METTL24: variants seen among roughly 807,000 people sequenced by gnomAD.
METTL24 encodes the protein probable methyltransferase-like protein 24.
In METTL24, 29 loss-of-function variants were observed where a neutral mutation model predicts 32.7. The observed-to-expected ratio is 0.89, with a 90% CI of 0.66 to 1.21. The LOEUF is 1.21. Ranked by LOEUF, METTL24 falls within the 50% of genes most tolerant of loss-of-function variation. METTL24 has a pLI of 0.00. For missense variants in METTL24, 439 were observed against 468.1 expected, an observed-to-expected ratio of 0.94 and a Z score of 0.57; for synonymous variants, 163 against 179.5, an observed-to-expected ratio of 0.91 and a Z score of 0.73.
intron 3 of METTL24, among the ~76,000 whole-genome samples, chr6:110,305,133 T>C (rs1411820864): frequency 1.3e-5 from 2 of 152,206 alleles, no homozygotes; most frequent in Non-Finnish European, 2.9e-5. Context: ...CTACCAGGCC[T>C]GCCCTACAAG....
chr6:110,331,752 A>G (rs1027067399), intron 1 of METTL24, among the ~76,000 whole-genome samples: 39 of 152,284 alleles, frequency 2.6e-4, no homozygotes, highest in African/African-American at 8.9e-4. Flanking sequence ...GAAGCTTTGC[A>G]AACCCCTCAG....
intron 4 of METTL24, among the ~76,000 whole-genome samples, chr6:110,260,678 T>A (rs983287405): frequency 1.3e-5 from 2 of 151,854 alleles, no homozygotes; most frequent in African/African-American, 2.4e-5. Flanking sequence ...TTCACCAAAG[T>A]TGAAATGAAG....
At chr6:110,272,126 C>T (rs910274858) in intron 4 of METTL24, among the ~76,000 whole-genome samples, 2 of 152,136 alleles carry the variant, frequency 1.3e-5, no homozygotes, top group Non-Finnish European at 2.9e-5. Context: ...TCCTCCCACC[C>T]ATTCCCCCGT....
chr6:110,282,680 G>A (rs1314492612), intron 4 of METTL24, among the ~76,000 whole-genome samples: 1 of 151,054 alleles, frequency 6.6e-6, no homozygotes, highest in Non-Finnish European at 1.5e-5. Flanking sequence ...TTGCTCTCCT[G>A]TGCCAATACC....
At chr6:110,298,475 G>A (rs1381994255) in intron 4 of METTL24, among the ~76,000 whole-genome samples, 5 of 151,980 alleles carry the variant, frequency 3.3e-5, no homozygotes, top group African/African-American at 4.8e-5. Context: ...GAGCCTAGAC[G>A]TTCAAAATAG....
chr6:110,358,323 T>A lies in METTL24; in HGVS notation c.-51A>T. 1 of 1,332,194 alleles carries A rather than the reference T, an allele frequency of 7.5e-7. No homozygotes were observed. The highest frequency in any genetic ancestry group is 3.2e-5 in the East Asian group (1 of 31,254). The allele number at this position is 1,332,194 out of a possible 1,614,324, so 82.5% of individuals were successfully genotyped here. A position where few individuals can be genotyped will look rare whatever the true frequency, so the allele number is the denominator to read the frequency against. On this transcript the variant is annotated 5_prime_UTR_variant, in exon 1 of 5. Coordinates refer to ENST00000338882, the MANE Select transcript of METTL24 (RefSeq NM_001123364.3). The stretch of plus-strand genomic sequence containing the variant: ...CCGCGCCTGGCCGGCAGCAGGGATG[T>A]AGCCCCACAGGCCGGAGCGGCCAAC...
chr6:110,272,303 A>T (rs1201400960), intron 4 of METTL24, among the ~76,000 whole-genome samples: 1 of 152,170 alleles, frequency 6.6e-6, no homozygotes, highest in African/African-American at 2.4e-5. Flanking sequence ...CTATTATTTC[A>T]TTCCGTTTTA....
At chr6:110,353,389 C>T (rs1772646770) in intron 1 of METTL24, among the ~76,000 whole-genome samples, 1 of 149,530 alleles carries the variant, frequency 6.7e-6, no homozygotes. Flanking sequence ...AGAATAAGGA[C>T]TCTTAAGGCA....
intron 4 of METTL24, among the ~76,000 whole-genome samples, chr6:110,270,705 T>C (rs1297849498): frequency 6.6e-6 from 1 of 152,214 alleles, no homozygotes; most frequent in Non-Finnish European, 1.5e-5. Context: ...AAGTTTAAGT[T>C]ACTCTAGGTT....
At chr6:110,267,047 TA>T (rs77608489) in intron 4 of METTL24, among the ~76,000 whole-genome samples, 14 of 151,100 alleles carry the variant, frequency 9.3e-5, no homozygotes, top group South Asian at 2.1e-4. Context: ...GCTTTTTTTT[TA>T]AAAAAAAATA....
intron 1 of METTL24, among the ~76,000 whole-genome samples, chr6:110,348,424 T>C (rs937812202): frequency 7.2e-5 from 11 of 152,240 alleles, no homozygotes; most frequent in Non-Finnish European, 1.6e-4. Flanking sequence ...CACGTATTAC[T>C]TTCACTGACT....
intron 4 of METTL24, among the ~76,000 whole-genome samples, chr6:110,271,820 C>T (rs376958510): frequency 1.3e-5 from 2 of 152,178 alleles, no homozygotes; most frequent in South Asian, 2.1e-4. Context: ...AATAATAAAT[C>T]GCTGATAGTG....
Position 110,340,157 on chromosome 6 carries a change from TA to T in METTL24, c.319-17286del, listed in dbSNP as rs145107279. Among the ~76,000 whole-genome samples, 583 of 149,916 alleles carry T rather than the reference TA, an allele frequency of 3.9e-3. 3 individuals are homozygous for T. Among genetic ancestry groups the T allele is most frequent in the African/African-American group, 0.013 (547 of 40,568 alleles). ...CACAGCTCTTCTTCAAGGTCTAACT[TA>T]AGGAGTCCAGGGCGCTCACACATCT... On this transcript the variant is annotated intron_variant, in intron 1 of 4. Coordinates refer to ENST00000338882, the MANE Select transcript of METTL24 (RefSeq NM_001123364.3).
chr6:110,248,166 C>T (rs1272695965), intron 4 of METTL24, among the ~76,000 whole-genome samples: 1 of 152,170 alleles, frequency 6.6e-6, no homozygotes, highest in East Asian at 1.9e-4. Flanking sequence ...TCACCAGGAG[C>T]AGATACCGGC....
rs933308784 is a variant in METTL24, at chr6:110,297,587, A to C, written c.786+1335T>G. ...GAATAATCTAAAGTTGACATATTAG[A>C]GAATTAGGCCTGTAATTCTCAGCTG... On this transcript the variant is annotated intron_variant, in intron 4 of 4. Coordinates refer to ENST00000338882, the MANE Select transcript of METTL24 (RefSeq NM_001123364.3). Among the ~76,000 whole-genome samples the C allele has an allele frequency of 2.6e-5, 4 of 152,228 alleles. No homozygotes were observed. The East Asian group carries it at 7.7e-4, about 29-fold the overall frequency.
chr6:110,279,792 A>G (rs2114716118), intron 4 of METTL24, among the ~76,000 whole-genome samples: 1 of 152,250 alleles, frequency 6.6e-6, no homozygotes, highest in African/African-American at 2.4e-5. Context: ...CCAAAACCCA[A>G]AGTACTTGTG....
chr6:110,281,834 G>C (rs969077114), intron 4 of METTL24, among the ~76,000 whole-genome samples: 1 of 151,502 alleles, frequency 6.6e-6, no homozygotes, highest in African/African-American at 2.4e-5. Context: ...GAAGTTATCA[G>C]AAAGAGGGAG....
At chr6:110,331,072 T>C (rs1187236884) in intron 1 of METTL24, among the ~76,000 whole-genome samples, 3 of 152,044 alleles carry the variant, frequency 2.0e-5, no homozygotes, top group Non-Finnish European at 4.4e-5. Context: ...AGCAAAGAAA[T>C]AGGAAGCATA....
intron 4 of METTL24, among the ~76,000 whole-genome samples, chr6:110,283,460 G>A (rs889264567): frequency 6.6e-6 from 1 of 152,142 alleles, no homozygotes; most frequent in Non-Finnish European, 1.5e-5. Context: ...GCTCCCCAGA[G>A]CCATTCTATA....
Sources: gnomAD v4.1 joint callset for allele counts (sites outside exome capture counted in the v4.1 genomes callset) on GRCh38, gnomAD v4.1.1 for gene constraint, MANE v1.5 for transcripts, NCBI Gene and HGNC (gene_info 2026-07-23, HGNC 2026-07-21) for gene names.